OTOGL: variants seen among roughly 807,000 people sequenced by gnomAD.
OTOGL encodes the protein otogelin-like protein.
In OTOGL, 285 loss-of-function variants were observed where a neutral mutation model predicts 318.5. That is an observed-to-expected ratio of 0.89 (90% CI 0.81 to 0.99). OTOGL has a LOEUF of 0.99. Ranked by LOEUF, OTOGL falls within the 50% of genes least tolerant of loss-of-function variation. The probability of loss-of-function intolerance (pLI) is 0.00; values close to 1 mark genes in which losing one functional copy is unlikely to be tolerated. For synonymous variants in OTOGL, 987 were observed against 936.5 expected, an observed-to-expected ratio of 1.05 and a Z score of -0.99; for missense variants, 2,899 against 2,845.6, an observed-to-expected ratio of 1.02 and a Z score of -0.43.
intron 8 of OTOGL, among the ~76,000 whole-genome samples, chr12:80,231,800 ATTT>A (rs763600811): frequency 2.1e-5 from 3 of 140,368 alleles, no homozygotes; most frequent in Non-Finnish European, 3.1e-5. Flanking sequence ...TGACCAACTA[ATTT>A]TTTTTTTTTT....
chr12:80,191,756 G>C (rs775838712), intron 1 of OTOGL, among the ~76,000 whole-genome samples: 1 of 152,186 alleles, frequency 6.6e-6, no homozygotes, highest in Non-Finnish European at 1.5e-5. Context: ...ATCAGCAAGC[G>C]TAAGGCAGTC....
At chr12:80,119,413 G>A (rs1253386320) in intron 1 of OTOGL, among the ~76,000 whole-genome samples, 62 of 152,286 alleles carry the variant, frequency 4.1e-4, no homozygotes, top group Admixed American at 4.1e-3. Flanking sequence ...TCACCCTGCA[G>A]TCTGCTGCTA....
At chr12:80,354,071 C>T (rs779625246) in intron 46 of OTOGL, among the ~76,000 whole-genome samples, 10 of 152,118 alleles carry the variant, frequency 6.6e-5, no homozygotes, top group African/African-American at 9.7e-5. Flanking sequence ...GGAGGTGTGG[C>T]CTAGTGGGAG....
At chr12:80,181,586 G>A (rs911457485) in intron 1 of OTOGL, among the ~76,000 whole-genome samples, 2 of 152,006 alleles carry the variant, frequency 1.3e-5, no homozygotes, top group Non-Finnish European at 2.9e-5. Flanking sequence ...TGGTTGTACC[G>A]TTGGAGTATC....
chr12:80,170,483 G>A (rs928645294), intron 1 of OTOGL, among the ~76,000 whole-genome samples: 1 of 151,736 alleles, frequency 6.6e-6, no homozygotes, highest in East Asian at 1.9e-4. Context: ...GCCCAGGCTG[G>A]AGTACAGTGG....
In OTOGL at chr12:80,355,224, C is replaced by CTTTTTTTTTTTTTTTTTTTTTTT. The variant is rs11343611; in HGVS notation, c.5594-508_5594-507insTTTTTTTTTTTTTTTTTTTTTTT. ...ACTTTTTTCTTTTCTTTCTTTCTTT[C>CTTTTTTTTTTTTTTTTTTTTTTT]TTTTCTTTTTTTTTTTTTTTTTTTG... On this transcript the variant is annotated intron_variant, in intron 46 of 58. Transcript: ENST00000547103. 4.6e-5 allele frequency among the ~76,000 whole-genome samples: 3 copies of CTTTTTTTTTTTTTTTTTTTTTTT among 65,602 alleles called. 1 individual carries two copies. Among genetic ancestry groups the CTTTTTTTTTTTTTTTTTTTTTTT allele is most frequent in the Non-Finnish European group, 8.9e-5 (3 of 33,740 alleles). 43.0% of individuals were successfully genotyped at this position (65,602 alleles called of 152,430 possible).
At chr12:80,347,518 C>A (rs1889272864) in intron 44 of OTOGL, among the ~76,000 whole-genome samples, 4 of 152,168 alleles carry the variant, frequency 2.6e-5, no homozygotes, top group African/African-American at 4.8e-5. Flanking sequence ...ATATGTGCCA[C>A]ATTTTCTTTA....
Position 80,323,675 on chromosome 12 carries a change from A to G in OTOGL, c.4082-48A>G, listed in dbSNP as rs1592707841. 3 of 1,380,418 alleles carry G rather than the reference A, an allele frequency of 2.2e-6. No homozygotes were observed. The African/African-American group carries it at 4.3e-5, about 20-fold the overall frequency. The allele number at this position is 1,380,418 out of a possible 1,614,324, so 85.5% of individuals were successfully genotyped here. On this transcript the variant is annotated intron_variant, in intron 34 of 58. Coordinates refer to ENST00000547103, the MANE Select transcript of OTOGL (RefSeq NM_001378609.3). The stretch of plus-strand genomic sequence containing the variant: ...AAAGAAAAGGGAATTGTTAGTTTTC[A>G]AGCTATGTATTAAATATGCACACAA...
intron 44 of OTOGL, among the ~76,000 whole-genome samples, chr12:80,344,560 G>A (rs1454147058): frequency 1.3e-5 from 2 of 152,144 alleles, no homozygotes; most frequent in Admixed American, 6.5e-5. Flanking sequence ...TTGTAGAAAC[G>A]TAAATGGGCA....
intron 1 of OTOGL, among the ~76,000 whole-genome samples, chr12:80,176,724 T>G (rs1459106965): frequency 6.6e-6 from 1 of 152,168 alleles, no homozygotes; most frequent in Non-Finnish European, 1.5e-5. Flanking sequence ...TTTTGTGTAG[T>G]TAGATGCTTT....
At chr12:80,260,654 T>C (rs1200718634) in intron 18 of OTOGL, among the ~76,000 whole-genome samples, 1 of 152,160 alleles carries the variant, frequency 6.6e-6, no homozygotes, top group Non-Finnish European at 1.5e-5. Flanking sequence ...GTATGCCTTA[T>C]TATAATAAGT....
chr12:80,301,481 TC>T (rs1057366178), intron 27 of OTOGL, among the ~76,000 whole-genome samples: 50 of 152,238 alleles, frequency 3.3e-4, no homozygotes, highest in African/African-American at 1.2e-3. Flanking sequence ...TGCAAACGTC[TC>T]AGGCTATGAT....
intron 1 of OTOGL, among the ~76,000 whole-genome samples, chr12:80,194,910 T>C (rs902754704): frequency 3.3e-5 from 5 of 152,148 alleles, no homozygotes; most frequent in African/African-American, 9.7e-5. Flanking sequence ...GAATAATGAG[T>C]TCTTTACAAT....
At position 80,169,768 on chromosome 12, in the gene OTOGL, C is replaced by T. The variant is rs893896455; in HGVS notation, c.-19-39645C>T. On this transcript the variant is annotated intron_variant, in intron 1 of 58. Transcript: ENST00000547103. ...TTCCAGAACATGACCTACATGCAATCATACAGTATGTAATATTTGGATCTA... is the reference window on the plus strand; with the variant it reads ...TTCCAGAACATGACCTACATGCAATTATACAGTATGTAATATTTGGATCTA... 3.9e-5 allele frequency among the ~76,000 whole-genome samples: 6 copies of T among 152,172 alleles called. No individual in the cohort carries two copies. The East Asian group carries it at 1.2e-3, about 29-fold the overall frequency.
intron 1 of OTOGL, among the ~76,000 whole-genome samples, chr12:80,100,703 G>A (rs900111924): frequency 2.0e-5 from 3 of 152,084 alleles, no homozygotes; most frequent in African/African-American, 2.4e-5. Context: ...TTTCAAGCTG[G>A]TATTGGGGGT....
chr12:80,111,621 A>G (rs978596229), intron 1 of OTOGL, among the ~76,000 whole-genome samples: 3 of 152,176 alleles, frequency 2.0e-5, no homozygotes, highest in African/African-American at 7.2e-5. Context: ...CTGTTTTGGT[A>G]TCAGTACTAT....
intron 1 of OTOGL, among the ~76,000 whole-genome samples, chr12:80,116,909 T>A (rs2137090745): frequency 6.6e-6 from 1 of 152,294 alleles, no homozygotes; most frequent in African/African-American, 2.4e-5. Flanking sequence ...GTGTGTCAGC[T>A]TCCCTGAACT....
chr12:80,284,484 C>T (rs1884467013), intron 26 of OTOGL, among the ~76,000 whole-genome samples: 1 of 152,164 alleles, frequency 6.6e-6, no homozygotes, highest in African/African-American at 2.4e-5. Flanking sequence ...AACTAATTTA[C>T]ACTCCCACCA....
At position 80,377,166 on chromosome 12, in the gene OTOGL, G is replaced by T. The variant is rs145092695; in HGVS notation, c.6825G>T (p.Ser2275=). 3.1e-6 allele frequency: 5 copies of T among 1,609,162 alleles called. No individual in the cohort carries two copies. Among genetic ancestry groups the T allele is most frequent in the Non-Finnish European group, 4.2e-6 (5 of 1,177,248 alleles). The change falls in exon 58 of 59, where the codon TCG becomes TCT. Residue 2275 remains serine (S), a synonymous_variant. Transcript: ENST00000547103. ...ERICQKVIIK[S]VIRKQDCMSQ... Reference sequence around the variant, plus strand: ...TATGCCAGAAAGTGATCATTAAATCGGTCATAAGGAAACAGGACTGTATGA... The same window carrying T: ...TATGCCAGAAAGTGATCATTAAATCTGTCATAAGGAAACAGGACTGTATGA...
Sources: gnomAD v4.1 joint callset for allele counts (sites outside exome capture counted in the v4.1 genomes callset) on GRCh38, gnomAD v4.1.1 for gene constraint, MANE v1.5 for transcripts, NCBI Gene and HGNC (gene_info 2026-07-23, HGNC 2026-07-21) for gene names.